ARHGAP10: variants seen among roughly 807,000 people sequenced by gnomAD.
The protein encoded by ARHGAP10 is Rho GTPase activating protein 10.
Under a neutral mutation model 108.6 loss-of-function variants are expected in ARHGAP10, and 87 were observed. The observed-to-expected ratio is 0.80, with a 90% CI of 0.67 to 0.96. The LOEUF (loss-of-function observed/expected upper bound fraction) is 0.96. ARHGAP10 is among the 40% of genes least tolerant of loss of function. ARHGAP10 has a pLI of 0.00. For synonymous variants in ARHGAP10, 347 were observed against 341.1 expected, an observed-to-expected ratio of 1.02 and a Z score of -0.19; for missense variants, 939 against 954.5, an observed-to-expected ratio of 0.98 and a Z score of 0.21.
intron 18 of ARHGAP10, among the ~76,000 whole-genome samples, chr4:147,984,630 T>G (rs1739958199): frequency 6.6e-6 from 1 of 152,228 alleles, no homozygotes; most frequent in South Asian, 2.1e-4. Flanking sequence ...GTGAGCAGGC[T>G]CACTGCCTCC....
chr4:148,052,120 G>A (rs913371199), intron 20 of ARHGAP10, among the ~76,000 whole-genome samples: 1 of 152,104 alleles, frequency 6.6e-6, no homozygotes, highest in Non-Finnish European at 1.5e-5. Context: ...AATCATTTTA[G>A]ATCATTTTTA....
intron 3 of ARHGAP10, among the ~76,000 whole-genome samples, chr4:147,843,392 C>T (rs573881348): frequency 3.3e-4 from 50 of 152,316 alleles, no homozygotes; most frequent in African/African-American, 1.2e-3. Context: ...TTGTTCCCCA[C>T]GTGGTCTCAC....
chr4:147,967,298 G>C (rs1739240372), intron 18 of ARHGAP10, among the ~76,000 whole-genome samples: 1 of 152,232 alleles, frequency 6.6e-6, no homozygotes, highest in Non-Finnish European at 1.5e-5. Flanking sequence ...AGTAGGGGTT[G>C]AGGGGCAGTG....
intron 18 of ARHGAP10, among the ~76,000 whole-genome samples, chr4:148,000,833 G>A (rs1740688063): frequency 6.6e-6 from 1 of 152,048 alleles, no homozygotes; most frequent in South Asian, 2.1e-4. Context: ...TTAGCCCTTT[G>A]TCAGATGAGT....
Position 147,875,151 on chromosome 4 carries a change from G to A in ARHGAP10, c.832+1G>A, listed in dbSNP as rs1735006970. On this transcript the variant is annotated splice_donor_variant, in intron 8 of 22. Coordinates refer to ENST00000336498, the MANE Select transcript of ARHGAP10 (RefSeq NM_024605.4). LOFTEE classifies it high-confidence loss of function. ...GGCTACCTGTATGTCCAGGAAAAAA[G>A]TAAGAGGCCCTCCAGCAGTGGCTGC... 2 of 1,571,816 alleles carry A rather than the reference G, an allele frequency of 1.3e-6. No homozygotes were observed. Among genetic ancestry groups the A allele is most frequent in the Non-Finnish European group, 1.7e-6 (2 of 1,167,276 alleles).
At chr4:147,937,216 A>T (rs1479327669) in intron 13 of ARHGAP10, among the ~76,000 whole-genome samples, 2 of 151,822 alleles carry the variant, frequency 1.3e-5, no homozygotes, top group East Asian at 1.9e-4. Flanking sequence ...AGCTATCAGC[A>T]GGGTTAATTT....
In ARHGAP10 at chr4:147,806,422, A is replaced by G. The variant is rs1295663816; in HGVS notation, c.155-16305A>G. Among the ~76,000 whole-genome samples, 7 of 151,320 alleles carry G rather than the reference A, an allele frequency of 4.6e-5. No homozygotes were observed. In the East Asian group the frequency reaches 1.4e-3, roughly 29 times the overall value. ...TATATATGAATATTGTATAATATATAATTCATTATTAATATAATCTGGCAT... is the reference window on the plus strand; with the variant it reads ...TATATATGAATATTGTATAATATATGATTCATTATTAATATAATCTGGCAT... On this transcript the variant is annotated intron_variant, in intron 1 of 22. Coordinates refer to ENST00000336498, the MANE Select transcript of ARHGAP10 (RefSeq NM_024605.4).
At chr4:148,033,936 C>T (rs1484313842) in intron 19 of ARHGAP10, among the ~76,000 whole-genome samples, 1 of 152,140 alleles carries the variant, frequency 6.6e-6, no homozygotes, top group East Asian at 1.9e-4. Flanking sequence ...ACTGGAAATA[C>T]TTAGGCAGCA....
chr4:147,760,838 T>C (rs964444363), intron 1 of ARHGAP10, among the ~76,000 whole-genome samples: 1 of 152,064 alleles, frequency 6.6e-6, no homozygotes, highest in Non-Finnish European at 1.5e-5. Context: ...GAATGGCCGG[T>C]GGGGCTTTCA....
intron 1 of ARHGAP10, among the ~76,000 whole-genome samples, chr4:147,744,678 G>C (rs192522601): frequency 1.9e-3 from 283 of 152,214 alleles, no homozygotes; most frequent in African/African-American, 6.5e-3. Context: ...GTTCTGGTGT[G>C]GGCTGGTGAG....
At chr4:148,031,612 T>G (rs978339144) in intron 19 of ARHGAP10, among the ~76,000 whole-genome samples, 12 of 152,362 alleles carry the variant, frequency 7.9e-5, no homozygotes, top group African/African-American at 2.9e-4. Flanking sequence ...GTGGTTCCTT[T>G]CAGAGTTACT....
chr4:147,946,827 T>G lies in ARHGAP10; in HGVS notation c.1391+123T>G, dbSNP rs1035004152. ...AAGCCTTATTTTAAAAAGGGAAAAT[T>G]TATCAGGTGTCTCAGTGTCCCAGAA... On this transcript the variant is annotated intron_variant, in intron 15 of 22. Coordinates refer to ENST00000336498, the MANE Select transcript of ARHGAP10 (RefSeq NM_024605.4). The G allele has an allele frequency of 7.4e-6, 5 of 675,362 alleles. No individual in the cohort carries two copies. In the African/African-American group the frequency reaches 7.5e-5, roughly 10 times the overall value. 41.8% of individuals were successfully genotyped at this position (675,362 alleles called of 1,614,324 possible). A position where few individuals can be genotyped will look rare whatever the true frequency, so the allele number is the denominator to read the frequency against.
chr4:147,993,607 G>T (rs2149637946), intron 18 of ARHGAP10, among the ~76,000 whole-genome samples: 1 of 152,320 alleles, frequency 6.6e-6, no homozygotes. Context: ...CAGTAGCATG[G>T]TCTGGAGATC....
intron 1 of ARHGAP10, among the ~76,000 whole-genome samples, chr4:147,741,473 T>A (rs1475333065): frequency 1.3e-5 from 2 of 152,170 alleles, no homozygotes; most frequent in African/African-American, 2.4e-5. Context: ...AGAAAAATGA[T>A]GTTTGTATAA....
At chr4:147,907,667 C>T (rs1057085965) in intron 11 of ARHGAP10, among the ~76,000 whole-genome samples, 28 of 152,194 alleles carry the variant, frequency 1.8e-4, no homozygotes, top group African/African-American at 6.3e-4. Flanking sequence ...TGATCAGTAG[C>T]GCATGTGGCA....
chr4:147,955,745 G>A (rs1372734215), intron 16 of ARHGAP10, among the ~76,000 whole-genome samples: 1 of 152,110 alleles, frequency 6.6e-6, no homozygotes, highest in East Asian at 1.9e-4. Context: ...TTTGCGAAAG[G>A]TTGTGGAGAT....
chr4:147,902,105 A>G (rs921258169), intron 10 of ARHGAP10, among the ~76,000 whole-genome samples: 5 of 152,212 alleles, frequency 3.3e-5, no homozygotes, highest in African/African-American at 9.6e-5. Context: ...TTGGAGCAAC[A>G]GCTTTCATAC....
At chr4:147,908,261 A>G (rs922795313) in intron 11 of ARHGAP10, among the ~76,000 whole-genome samples, 3 of 152,340 alleles carry the variant, frequency 2.0e-5, no homozygotes, top group South Asian at 2.1e-4. Flanking sequence ...TTTAGTAAAG[A>G]CAGCACACTC....
At chr4:147,914,245 A>G (rs1197054627) in intron 13 of ARHGAP10, among the ~76,000 whole-genome samples, 1 of 152,246 alleles carries the variant, frequency 6.6e-6, no homozygotes, top group Non-Finnish European at 1.5e-5. Context: ...AATTGAAAAC[A>G]TACACAATTG....
Sources: gnomAD v4.1 joint callset for allele counts (sites outside exome capture counted in the v4.1 genomes callset) on GRCh38, gnomAD v4.1.1 for gene constraint, MANE v1.5 for transcripts, NCBI Gene and HGNC (gene_info 2026-07-23, HGNC 2026-07-21) for gene names.